The following TLE1 variants were observed in gnomAD, a reference collection of about 807,000 sequenced individuals.
TLE1 encodes the protein TLE family member 1, transcriptional corepressor, also known as transducin-like enhancer protein 1.
TLE1 carries 21 observed loss-of-function variants against 89.8 expected under a neutral mutation model. The ratio of observed to expected loss-of-function variants is 0.23; its 90% CI spans 0.17 to 0.34. TLE1 has a LOEUF of 0.34. Among genes scored for constraint, TLE1 ranks in the 10% least tolerant of loss-of-function variants. The probability of loss-of-function intolerance (pLI) is 1.00; values close to 1 mark genes in which losing one functional copy is unlikely to be tolerated. For missense variants in TLE1, 795 were observed against 1,031.2 expected, an observed-to-expected ratio of 0.77 and a Z score of 3.14; for synonymous variants, 447 against 407.6, an observed-to-expected ratio of 1.10 and a Z score of -1.16.
intron 4 of TLE1, among the ~76,000 whole-genome samples, chr9:81,673,591 A>G (rs536791467): frequency 1.3e-5 from 2 of 152,244 alleles, no homozygotes; most frequent in African/African-American, 4.8e-5. Flanking sequence ...AATCTTGGTA[A>G]TTACCCTATG....
chr9:81,688,161 G>A (rs974547584), intron 1 of TLE1, 56 bp downstream of exon 1: 8 of 1,597,206 alleles, frequency 5.0e-6, no homozygotes, highest in Admixed American at 1.7e-5. Flanking sequence ...CTACCGCCCG[G>A]GAGAAGCGCC....
intron 14 of TLE1, among the ~76,000 whole-genome samples, chr9:81,595,983 G>GC (rs1454381817): frequency 6.6e-6 from 1 of 152,042 alleles, no homozygotes; most frequent in African/African-American, 2.4e-5. Context: ...ATCAAGCTGG[G>GC]CGCCTCCAGG....
At chr9:81,609,274 G>A (rs764228375) in intron 14 of TLE1, among the ~76,000 whole-genome samples, 3 of 152,008 alleles carry the variant, frequency 2.0e-5, no homozygotes, top group Admixed American at 6.6e-5. Flanking sequence ...TAGTAGAGAC[G>A]GGGTTTCGCC....
intron 4 of TLE1, among the ~76,000 whole-genome samples, chr9:81,664,847 T>C (rs1831259828): frequency 6.6e-6 from 1 of 152,158 alleles, no homozygotes; most frequent in Non-Finnish European, 1.5e-5. Context: ...ACCTGCGGAG[T>C]TCCTGTTGGA....
chr9:81,638,493 G>A (rs1827690905), intron 6 of TLE1, among the ~76,000 whole-genome samples: 1 of 152,204 alleles, frequency 6.6e-6, no homozygotes, highest in African/African-American at 2.4e-5. Context: ...AGGCTTACCT[G>A]AGACAATCTT....
At chr9:81,599,638 G>A (rs1408057732) in intron 14 of TLE1, among the ~76,000 whole-genome samples, 1 of 152,040 alleles carries the variant, frequency 6.6e-6, no homozygotes, top group Non-Finnish European at 1.5e-5. Flanking sequence ...ACCTGCTATG[G>A]GTAAAACCTT....
chr9:81,584,557 A>C lies in TLE1; in HGVS notation c.2129-33T>G, dbSNP rs753995305. 5.0e-6 allele frequency: 8 copies of C among 1,602,998 alleles called. No homozygotes were observed. In the African/African-American group the frequency reaches 1.1e-4, roughly 22 times the overall value. ...TAGCAAAGGAATATCTAGTTTTCAC[A>C]AGGTTAAAATTCCTACTATACAATT... On this transcript the variant is annotated intron_variant, in intron 18 of 19. Transcript: ENST00000376499.
intron 8 of TLE1, 133 bp from the exon 9 acceptor site, chr9:81,620,690 C>T: frequency 6.8e-7 from 1 of 1,468,678 alleles, no homozygotes; most frequent in Non-Finnish European, 9.0e-7. Context: ...TTCATCTCAT[C>T]TAAAGACTTT....
chr9:81,618,027 AAAC>A (rs5898750), intron 9 of TLE1, among the ~76,000 whole-genome samples: 9 of 151,514 alleles, frequency 5.9e-5, no homozygotes, highest in Non-Finnish European at 1.2e-4. Flanking sequence ...CTCCGTCTCA[AAAC>A]AACAACAACA....
intron 2 of TLE1, 95 bp from the exon 3 acceptor site, chr9:81,685,991 A>G (rs1834220435): frequency 2.2e-6 from 3 of 1,367,666 alleles, no homozygotes; most frequent in Middle Eastern, 2.6e-4. Flanking sequence ...AACACAGACC[A>G]ATTTGGAAAA....
At chr9:81,655,193 G>A (rs1289206477) in intron 4 of TLE1, among the ~76,000 whole-genome samples, 2 of 151,976 alleles carry the variant, frequency 1.3e-5, no homozygotes, top group African/African-American at 4.8e-5. Context: ...GTGAAACCCC[G>A]TCTCTACTCA....
intron 8 of TLE1, among the ~76,000 whole-genome samples, chr9:81,628,990 T>TATACA: frequency 6.6e-6 from 1 of 152,258 alleles, no homozygotes; most frequent in Admixed American, 6.5e-5. Context: ...CTCTGGAGTC[T>TATACA]CCTCCAGAGT....
rs934194743 is a variant in TLE1, at chr9:81,616,195, TC to T, written c.766-62del. The T allele has an allele frequency of 1.9e-6, 3 of 1,543,824 alleles. No homozygotes were observed. The Admixed American group carries it at 6.4e-5, about 33-fold the overall frequency. On this transcript the variant is annotated intron_variant, in intron 10 of 19. Coordinates refer to ENST00000376499, the MANE Select transcript of TLE1 (RefSeq NM_005077.5). ...CTTGTAACAGACAGACTTTTCCCTT[TC>T]CACACTCATTCTCTAAATTTAAGGA...
chr9:81,647,704 C>A (rs1398451196), intron 6 of TLE1, among the ~76,000 whole-genome samples: 1 of 152,162 alleles, frequency 6.6e-6, no homozygotes, highest in African/African-American at 2.4e-5. Flanking sequence ...TTACCATCTA[C>A]AGATAGGGGA....
At chr9:81,593,754 C>A (rs186569604) in intron 14 of TLE1, among the ~76,000 whole-genome samples, 1 of 152,212 alleles carries the variant, frequency 6.6e-6, no homozygotes, top group Non-Finnish European at 1.5e-5. Flanking sequence ...TCCAAAAAAA[C>A]AGCTTTCTAA....
At chr9:81,676,814 C>T (rs1457551669) in intron 4 of TLE1, among the ~76,000 whole-genome samples, 4 of 152,202 alleles carry the variant, frequency 2.6e-5, no homozygotes. Flanking sequence ...TATGGGCTAG[C>T]AGTCTCTGAG....
intron 4 of TLE1, among the ~76,000 whole-genome samples, chr9:81,660,652 G>A (rs1023756090): frequency 4.0e-5 from 6 of 150,858 alleles, no homozygotes; most frequent in African/African-American, 9.7e-5. Flanking sequence ...TCCTGACCTC[G>A]TGATTCGCCG....
At chr9:81,639,902 T>A (rs1168530678) in intron 6 of TLE1, among the ~76,000 whole-genome samples, 1 of 152,126 alleles carries the variant, frequency 6.6e-6, no homozygotes, top group African/African-American at 2.4e-5. Flanking sequence ...AAAGCATTTT[T>A]GATAAGCAAT....
intron 8 of TLE1, among the ~76,000 whole-genome samples, chr9:81,623,704 C>T (rs183620778): frequency 2.6e-5 from 4 of 151,412 alleles, no homozygotes; most frequent in Admixed American, 2.6e-4. Context: ...GCACAAGAAT[C>T]ACTTGAACCT....
Sources: allele counts gnomAD v4.1 joint callset (sites outside exome capture counted in the v4.1 genomes callset), GRCh38; gene constraint gnomAD v4.1.1; transcripts MANE v1.5; gene names NCBI Gene and HGNC (gene_info 2026-07-23, HGNC 2026-07-21).